MACF1: variants seen among roughly 807,000 people sequenced by gnomAD.
MACF1 encodes microtubule-actin cross-linking factor 1.
A neutral mutation model predicts 854.8 loss-of-function variants in MACF1; 193 were observed. That is an observed-to-expected ratio of 0.23 (90% CI 0.20 to 0.25). MACF1 has a LOEUF of 0.25. Ranked by LOEUF, MACF1 falls within the 10% of genes least tolerant of loss-of-function variation. The pLI is 1.00. For missense variants in MACF1, 7,722 were observed against 8,929.1 expected, an observed-to-expected ratio of 0.86 and a Z score of 5.45; for synonymous variants, 3,185 against 3,226.7, an observed-to-expected ratio of 0.99 and a Z score of 0.44.
At position 39,453,733 on chromosome 1, in the gene MACF1, G is replaced by A. The variant is rs780996655; in HGVS notation, c.20769G>A (p.Lys6923=). Residue 6923 remains lysine (K), a synonymous_variant, in exon 88 of 101, where the codon AAG becomes AAA. Transcript: ENST00000564288. ...HKEFMKKVEE[K]RVDVNSAVAM... ...AATTCATGAAGAAAGTAGAAGAAAAGCGAGTGGACGTTAACTCAGCAGTAG... is the reference window on the plus strand; with the variant it reads ...AATTCATGAAGAAAGTAGAAGAAAAACGAGTGGACGTTAACTCAGCAGTAG... 1 of 1,614,152 alleles carries A rather than the reference G, an allele frequency of 6.2e-7. No homozygotes were observed. The highest frequency in any genetic ancestry group is 8.5e-7 in the Non-Finnish European group (1 of 1,180,010).
At chr1:39,471,529 A>G (rs764014730) in intron 97 of MACF1, among the ~76,000 whole-genome samples, 1 of 152,194 alleles carries the variant, frequency 6.6e-6, no homozygotes, top group South Asian at 2.1e-4. Flanking sequence ...CTCAAACTGC[A>G]TGTAGCTTTT....
chr1:39,427,563 A>C lies in MACF1; in HGVS notation c.16425A>C (p.Glu5475Asp). The C allele has an allele frequency of 6.2e-7, 1 of 1,614,116 alleles. No homozygotes were observed. The highest frequency in any genetic ancestry group is 8.5e-7 in the Non-Finnish European group (1 of 1,179,982). The change falls in exon 62 of 101, where the codon GAA becomes GAC. Residue 5475 changes from glutamate (E) to aspartate (D), a missense_variant. Transcript: ENST00000564288. ...CAGAGAAAAAGCTTGCTAACTCAGA[A>C]CCTGTTGGCACTCAGACTGCCAAAA... ...SVTEKKLANS[E>D]PVGTQTAKIQ...
At position 39,334,356 on chromosome 1, in the gene MACF1, G is replaced by C; in HGVS notation, c.7768G>C (p.Gly2590Arg). Residue 2590 changes from glycine to arginine, a missense_variant, in exon 37 of 101, where the codon GGT (glycine) becomes CGT (arginine). By Grantham distance (125) the Gly-to-Arg change is moderately radical. Around this residue, in one of 15 missense-constraint regions of MACF1, gnomAD observed 1,531 missense variants for 1,601.6 expected, o/e 0.96. Transcript: ENST00000564288. ...FTGNFVDLIS[G>R]QRLTLAEAKK... ...TGGAAACTTTGTGGATCTCATTTCTGGTCAGAGATTGACCTTGGCAGAAGC... is the reference window on the plus strand; with the variant it reads ...TGGAAACTTTGTGGATCTCATTTCTCGTCAGAGATTGACCTTGGCAGAAGC... 6.2e-7 allele frequency: 1 copy of C among 1,614,040 alleles called. No individual in the cohort carries two copies. The highest frequency in any genetic ancestry group is 8.5e-7 in the Non-Finnish European group (1 of 1,179,994).
chr1:39,116,405 C>T (rs558558761), intron 2 of MACF1, among the ~76,000 whole-genome samples: 54 of 131,990 alleles, frequency 4.1e-4, no homozygotes, highest in African/African-American at 1.5e-3. Context: ...TGTGTGTGTG[C>T]ACGTGTGTGT....
rs1433341485 is a variant in MACF1 at position 39,388,494 on chromosome 1, G to T, written c.15652G>T (p.Ala5218Ser). ...QCGKLTERGKARQEQLELTLG... is the reference protein window; with the variant it reads ...QCGKLTERGKSRQEQLELTLG... Reference sequence around the variant, plus strand: ...TGGCAAACTGACAGAGAGGGGGAAAGCTCGTCAGGAACAGCTGGAACTGAC... The same window carrying T: ...TGGCAAACTGACAGAGAGGGGGAAATCTCGTCAGGAACAGCTGGAACTGAC... Residue 5218 changes from alanine to serine, a missense_variant, in exon 58 of 101, where the codon GCT (alanine) becomes TCT (serine). Ala to Ser is a moderately conservative substitution (Grantham distance 99). Around this residue, in one of 15 missense-constraint regions of MACF1, gnomAD observed 2,807 missense variants for 3,235.8 expected, o/e 0.87. Coordinates refer to ENST00000564288, the MANE Select transcript of MACF1 (RefSeq NM_001394062.1). 6 of 1,614,190 alleles carry T rather than the reference G, an allele frequency of 3.7e-6. No individual in the cohort carries two copies. The highest frequency in any genetic ancestry group is 5.1e-6 in the Non-Finnish European group (6 of 1,180,044).
Position 39,249,923 on chromosome 1 carries a change from T to A in MACF1, c.172-91T>A. ...TTGCTTCCACTTTTAAATTCTTTAA[T>A]TTGTGTTTACCTAGAACCAGAGATT... On this transcript the variant is annotated intron_variant, in intron 2 of 100. Transcript: ENST00000564288. 3 of 648,972 alleles carry A rather than the reference T, an allele frequency of 4.6e-6. No homozygotes were observed. The South Asian group carries it at 6.4e-5, about 14-fold the overall frequency. The allele number at this position is 648,972 out of a possible 1,614,324, so 40.2% of individuals were successfully genotyped here. A position where few individuals can be genotyped will look rare whatever the true frequency, so the allele number is the denominator to read the frequency against.
intron 2 of MACF1, among the ~76,000 whole-genome samples, chr1:39,191,252 CTACT>C (rs1644252956): frequency 7.1e-6 from 1 of 140,750 alleles, no homozygotes; most frequent in Non-Finnish European, 1.5e-5. Flanking sequence ...CAGTTGGGTC[CTACT>C]TAAAGTTTTC....
intron 94 of MACF1, 187 bp downstream of exon 94, chr1:39,463,873 C>T (rs1570173361): frequency 1.9e-6 from 1 of 532,254 alleles, no homozygotes; most frequent in South Asian, 2.2e-5. Flanking sequence ...CCCATATCTA[C>T]CTAGATAGTA....
At chr1:39,190,395 G>GTTTTTTTTTTTTTTT (rs750262685) in intron 2 of MACF1, among the ~76,000 whole-genome samples, 6 of 79,050 alleles carry the variant, frequency 7.6e-5, no homozygotes, top group Admixed American at 1.8e-4. Context: ...GTGTGTGTTT[G>GTTTTTTTTTTTTTTT]TTTTTGTTTT....
At chr1:39,178,371 T>C (rs1053344669) in intron 2 of MACF1, among the ~76,000 whole-genome samples, 1 of 152,124 alleles carries the variant, frequency 6.6e-6, no homozygotes, top group Non-Finnish European at 1.5e-5. Context: ...ATATAAGAAA[T>C]ATAGAAATAC....
At chr1:39,481,123 A>T in intron 99 of MACF1, 93 bp downstream of exon 99, 11 of 697,870 alleles carry the variant, frequency 1.6e-5, no homozygotes, top group South Asian at 3.7e-5. Context: ...GAATCCCTGC[A>T]CTCTTTCATC....
chr1:39,364,735 G>A lies in MACF1; in HGVS notation c.12771+3058G>A, dbSNP rs545600291. 1.4e-4 allele frequency among the ~76,000 whole-genome samples: 21 copies of A among 151,684 alleles called. 1 individual carries two copies. In the South Asian group the frequency reaches 1.7e-3, roughly 12 times the overall value. On this transcript the variant is annotated intron_variant, in intron 49 of 100. Coordinates refer to ENST00000564288, the MANE Select transcript of MACF1 (RefSeq NM_001394062.1). The stretch of plus-strand genomic sequence containing the variant: ...TCTCGATCTCCTGACCTCGTGATCC[G>A]CCCGCCTCAGCCTCCCAAAGTGCTG...
chr1:39,344,673 A>G (rs1569601228), intron 40 of MACF1, among the ~76,000 whole-genome samples: 1 of 152,148 alleles, frequency 6.6e-6, no homozygotes, highest in Non-Finnish European at 1.5e-5. Context: ...TGTGTTTACT[A>G]AAGTTGTATA....
rs1641862933 is a variant in MACF1, at chr1:39,387,817, A to G, written c.14975A>G (p.Asp4992Gly). Reference sequence around the variant, plus strand: ...AAGGCTGGGATCAACCAGAACATGGATGCTGTTACAGAAGAGCTGCAGGCC... The same window carrying G: ...AAGGCTGGGATCAACCAGAACATGGGTGCTGTTACAGAAGAGCTGCAGGCC... The part of the protein sequence containing the change: ...DEKAGINQNM[D>G]AVTEELQAKT... The change falls in exon 58 of 101, where the codon GAT becomes GGT. Residue 4992 changes from aspartate (D) to glycine (G), a missense_variant. Physicochemically the swap from Asp to Gly is moderately conservative, Grantham distance 94. Coordinates refer to ENST00000564288, the MANE Select transcript of MACF1 (RefSeq NM_001394062.1). 6.2e-7 allele frequency: 1 copy of G among 1,614,160 alleles called. No homozygotes were observed. The highest frequency in any genetic ancestry group is 8.5e-7 in the Non-Finnish European group (1 of 1,180,036).
intron 2 of MACF1, among the ~76,000 whole-genome samples, chr1:39,110,317 G>C (rs11580911): frequency 6.9e-6 from 1 of 144,470 alleles, no homozygotes; most frequent in Non-Finnish European, 1.5e-5. Flanking sequence ...GCTAACTGCA[G>C]CCTTCACCTC....
intron 2 of MACF1, among the ~76,000 whole-genome samples, chr1:39,155,609 A>T (rs527796122): frequency 1.9e-4 from 29 of 152,350 alleles, no homozygotes; most frequent in African/African-American, 7.0e-4. Context: ...CTCCACTTGT[A>T]AACAAAAGTT....
chr1:39,276,397 GTCGAAACT>G (rs983140314), intron 6 of MACF1, among the ~76,000 whole-genome samples: 2 of 152,098 alleles, frequency 1.3e-5, no homozygotes, highest in African/African-American at 4.8e-5. Flanking sequence ...AAGATACCAA[GTCGAAACT>G]CCTCAGCTGG....
At chr1:39,174,384 G>T (rs867018887) in intron 2 of MACF1, among the ~76,000 whole-genome samples, 12 of 152,168 alleles carry the variant, frequency 7.9e-5, no homozygotes, top group Non-Finnish European at 4.4e-5. Context: ...GCTTATCCCA[G>T]TAAATATTAC....
At chr1:39,468,826 T>G (rs1232669656) in intron 96 of MACF1, 94 bp downstream of exon 96, 1 of 1,173,184 alleles carries the variant, frequency 8.5e-7, no homozygotes, top group Non-Finnish European at 1.3e-6. Flanking sequence ...GGGGTCTGTC[T>G]GTTTTTTATT....
Sources: gnomAD v4.1 joint callset for allele counts (sites outside exome capture counted in the v4.1 genomes callset) on GRCh38, gnomAD v4.1.1 for gene constraint, gnomAD v4.1.1 regional missense constraint, MANE v1.5 for transcripts, NCBI Gene and HGNC (gene_info 2026-07-23, HGNC 2026-07-21) for gene names.